IPO13: variants seen among roughly 807,000 people sequenced by gnomAD.
The protein encoded by IPO13 is importin-13.
A neutral mutation model predicts 115.5 loss-of-function variants in IPO13; 28 were observed. The ratio of observed to expected loss-of-function variants is 0.24; its 90% CI spans 0.18 to 0.33. The LOEUF is 0.33. IPO13 is among the 10% of genes least tolerant of loss of function. IPO13 has a pLI of 1.00. For missense variants in IPO13, 785 were observed against 1,204.6 expected, an observed-to-expected ratio of 0.65 and a Z score of 5.16; for synonymous variants, 414 against 478.9, an observed-to-expected ratio of 0.86 and a Z score of 1.77.
chr1:43,957,680 C>CT, intron 7 of IPO13, 131 bp downstream of exon 7: 1 of 1,165,024 alleles, frequency 8.6e-7, no homozygotes, highest in Non-Finnish European at 1.2e-6. Context: ...TTGTAACAAA[C>CT]TGACTGTCCT....
Position 43,950,208 on chromosome 1 carries a change from A to G in IPO13, c.821+55A>G, listed in dbSNP as rs549627088. The G allele has an allele frequency of 2.3e-4, 356 of 1,541,324 alleles. 2 individuals are homozygous for G. The South Asian group carries it at 4.1e-3, about 18-fold the overall frequency. ...AACCTCTTTGGCCAGCCACACATCC[A>G]TCCATCCATCTGTTCAATAAACATT... On this transcript the variant is annotated intron_variant, in intron 2 of 19. Coordinates refer to ENST00000372343, the MANE Select transcript of IPO13 (RefSeq NM_014652.4).
At chr1:43,949,034 C>G (rs979643675) in intron 1 of IPO13, among the ~76,000 whole-genome samples, 1 of 152,196 alleles carries the variant, frequency 6.6e-6, no homozygotes, top group African/African-American at 2.4e-5. Flanking sequence ...AGGGTCAAGT[C>G]CCCTCAAGCT....
chr1:43,961,081 G>A, intron 13 of IPO13, 68 bp downstream of exon 13: 1 of 1,610,072 alleles, frequency 6.2e-7, no homozygotes, highest in Non-Finnish European at 8.5e-7. Context: ...TGCCGTGGCT[G>A]GGGTCCCCAC....
Position 43,966,572 on chromosome 1 carries a change from C to T in IPO13, c.2398-3C>T, listed in dbSNP as rs958418552. 2 of 1,613,906 alleles carry T rather than the reference C, an allele frequency of 1.2e-6. No homozygotes were observed. The highest frequency in any genetic ancestry group is 1.3e-5 in the African/African-American group (1 of 74,864). ...CTGGGCTTACCAGCTCCACCTCCTG[C>T]AGGCTCTGAAGCGGAAGCCAGATTT... On this transcript the variant is annotated splice_polypyrimidine_tract_variant and splice_region_variant and intron_variant, in intron 15 of 19. Transcript: ENST00000372343. The surrounding 1 kb of genome is among the most constrained non-coding windows in gnomAD (Gnocchi z 4.1).
intron 14 of IPO13, among the ~76,000 whole-genome samples, chr1:43,961,898 C>T (rs1165523088): frequency 6.6e-6 from 1 of 152,228 alleles, no homozygotes; most frequent in Non-Finnish European, 1.5e-5. Context: ...TCCTAGCCCT[C>T]TACTCACTGT....
At chr1:43,962,188 C>T (rs2085294767) in intron 14 of IPO13, among the ~76,000 whole-genome samples, 3 of 152,030 alleles carry the variant, frequency 2.0e-5, no homozygotes, top group Admixed American at 1.3e-4. Flanking sequence ...GAAAACTGAA[C>T]CAGAAACCTG....
Position 43,966,886 on chromosome 1 carries a change from A to C in IPO13, c.2524-44A>C, listed in dbSNP as rs1283947845. 2.5e-6 allele frequency: 4 copies of C among 1,609,298 alleles called. No homozygotes were observed. Among genetic ancestry groups the C allele is most frequent in the African/African-American group, 2.7e-5 (2 of 74,736 alleles). The stretch of plus-strand genomic sequence containing the variant: ...GTGTACAGGTCTTGTCCTCAGGGAG[A>C]GCTGGGAAGGAGCTGGGCTGATGGG... On this transcript the variant is annotated intron_variant, in intron 17 of 19. Transcript: ENST00000372343. The surrounding 1 kb of genome is among the most constrained non-coding windows in gnomAD (Gnocchi z 4.1).
rs761795350 is a variant in IPO13, at chr1:43,958,502, G to A, written c.1791G>A (p.Leu597=). 1 of 1,614,134 alleles carries A rather than the reference G, an allele frequency of 6.2e-7. No individual in the cohort carries two copies. The highest frequency in any genetic ancestry group is 2.2e-5 in the East Asian group (1 of 44,888). ...CMWLMQALGF[L]LSALQVEEIL... ...GGCTGATGCAGGCGCTGGGCTTCCT[G>A]CTGTCAGCTCTTCAAGTGGAGGAGA... is the stretch of plus-strand genomic sequence containing the variant. The change falls in exon 10 of 20, where the codon CTG becomes CTA. Residue 597 remains leucine, a synonymous_variant. Transcript: ENST00000372343. The surrounding 1 kb of genome is among the most constrained non-coding windows in gnomAD (Gnocchi z 6.3).
chr1:43,957,729 G>A (rs1331315137), intron 7 of IPO13, among the ~76,000 whole-genome samples, 180 bp downstream of exon 7: 1 of 152,230 alleles, frequency 6.6e-6, no homozygotes. Context: ...ACACTGAGCT[G>A]CAATTCAGTG....
chr1:43,960,175 C>G, intron 11 of IPO13, 74 bp from the exon 12 acceptor site: 1 of 1,438,250 alleles, frequency 7.0e-7, no homozygotes, highest in Non-Finnish European at 9.8e-7. Flanking sequence ...CCCCTCCTCC[C>G]TGCCACCAAG....
Position 43,960,207 on chromosome 1 carries a change from T to C in IPO13, c.2029-42T>C, listed in dbSNP as rs767929637. The C allele has an allele frequency of 3.1e-6, 5 of 1,597,820 alleles. No individual in the cohort carries two copies. In the Admixed American group the frequency reaches 8.3e-5, roughly 27 times the overall value. ...CAAGTCCTCCTCAAGTGGGTCACAG[T>C]GATGGATAGCAGAAGCGCCTCACTT... On this transcript the variant is annotated intron_variant, in intron 11 of 19. Transcript: ENST00000372343.
chr1:43,947,268 C>T lies in IPO13; in HGVS notation c.-333C>T. ...CAAGAGCCAGGGACTCGGTTTCCCC[C>T]GCAGGCCTCCCTCCCCTGTGACTCC... On this transcript the variant is annotated 5_prime_UTR_variant, in exon 1 of 20. Coordinates refer to ENST00000372343, the MANE Select transcript of IPO13 (RefSeq NM_014652.4). The T allele has an allele frequency of 2.5e-6, 1 of 399,066 alleles. No homozygotes were observed. The highest frequency in any genetic ancestry group is 4.4e-6 in the Non-Finnish European group (1 of 226,294). The allele number at this position is 399,066 out of a possible 1,614,324, so 24.7% of individuals were successfully genotyped here.
chr1:43,947,401 A>C lies in IPO13; in HGVS notation c.-200A>C. On this transcript the variant is annotated 5_prime_UTR_variant, in exon 1 of 20. Transcript: ENST00000372343. ...GGAGTCCCCTTCATTGGGTCTCCTAAGAGCACCAATTTTGGTCTCTGGCAA... is the reference window on the plus strand; with the variant it reads ...GGAGTCCCCTTCATTGGGTCTCCTACGAGCACCAATTTTGGTCTCTGGCAA... The C allele has an allele frequency of 2.5e-6, 1 of 400,140 alleles. No individual in the cohort carries two copies. The allele number at this position is 400,140 out of a possible 1,614,324, so 24.8% of individuals were successfully genotyped here.
At position 43,967,686 on chromosome 1, in the gene IPO13, G is replaced by A. The variant is rs1301556814; in HGVS notation, c.*4G>A. ...AGATTACACAGCTGACTACTGAGGG[G>A]TGCCCCCATCCCATCCACCCCTTCT... On this transcript the variant is annotated 3_prime_UTR_variant, in exon 20 of 20. Coordinates refer to ENST00000372343, the MANE Select transcript of IPO13 (RefSeq NM_014652.4). This position sits in a 1 kb window ranked among gnomAD's most constrained non-coding sequence, Gnocchi z 6.1. 1 of 1,613,622 alleles carries A rather than the reference G, an allele frequency of 6.2e-7. No individual in the cohort carries two copies. The highest frequency in any genetic ancestry group is 8.5e-7 in the Non-Finnish European group (1 of 1,179,514).
rs780154693 is a variant in IPO13, at chr1:43,967,336, C to T, written c.2635C>T (p.Arg879Cys). ...TCAGGCCATTGGGGGCCAGGCCTCC[C>T]GCAGCCTCATGGACTGCTTTGCCGA... is the stretch of plus-strand genomic sequence containing the variant. Reference protein sequence around the residue: ...VLEAIGGQASRSLMDCFADIL... With the variant: ...VLEAIGGQASCSLMDCFADIL... The change falls in exon 19 of 20, where the codon CGC becomes TGC. Residue 879 changes from arginine to cysteine, a missense_variant. Arg to Cys is a radical substitution (Grantham distance 180). This residue lies in a region of IPO13 where 285 missense variants were observed against 394.8 expected (regional missense o/e 0.72). Transcript: ENST00000372343. The surrounding 1 kb of genome is among the most constrained non-coding windows in gnomAD (Gnocchi z 6.1). 14 of 1,613,590 alleles carry T rather than the reference C, an allele frequency of 8.7e-6. No homozygotes were observed. Among genetic ancestry groups the T allele is most frequent in the East Asian group, 4.5e-5 (2 of 44,850 alleles).
In IPO13 at chr1:43,950,065, G is replaced by A; in HGVS notation, c.733G>A (p.Ala245Thr). The change falls in exon 2 of 20, where the codon GCT (alanine) becomes ACT (threonine). Residue 245 changes from alanine (A) to threonine (T), a missense_variant. This residue lies in a region of IPO13 where 325 missense variants were observed against 449.8 expected (regional missense o/e 0.72). Coordinates refer to ENST00000372343, the MANE Select transcript of IPO13 (RefSeq NM_014652.4). Reference sequence around the variant, plus strand: ...GCAGGACTGTGAGGCGCTCATTCAGGCTGCCTTTGCTGCTCTGCAGGACTC... The same window carrying A: ...GCAGGACTGTGAGGCGCTCATTCAGACTGCCTTTGCTGCTCTGCAGGACTC... ...PLQDCEALIQ[A>T]AFAALQDSEL... 1 of 1,613,854 alleles carries A rather than the reference G, an allele frequency of 6.2e-7. No homozygotes were observed.
At chr1:43,954,081 A>G (rs902915873) in intron 2 of IPO13, among the ~76,000 whole-genome samples, 1 of 152,236 alleles carries the variant, frequency 6.6e-6, no homozygotes, top group South Asian at 2.1e-4. Context: ...GAACTTTGGC[A>G]GGTGGAGGAA....
At chr1:43,960,108 G>A in intron 11 of IPO13, 141 bp from the exon 12 acceptor site, 1 of 716,412 alleles carries the variant, frequency 1.4e-6, no homozygotes, top group East Asian at 2.5e-5. Flanking sequence ...TCTTCCCCCA[G>A]GGGTCCCATG....
Position 43,958,297 on chromosome 1 carries a change from C to T in IPO13, c.1749+29C>T. 6.2e-7 allele frequency: 1 copy of T among 1,613,816 alleles called. No individual in the cohort carries two copies. The highest frequency in any genetic ancestry group is 1.1e-5 in the South Asian group (1 of 91,078). On this transcript the variant is annotated intron_variant, in intron 9 of 19. Transcript: ENST00000372343. This position sits in a 1 kb window ranked among gnomAD's most constrained non-coding sequence, Gnocchi z 6.3. ...CGGCTCAAAAGTTTCTAGGGGTCTC[C>T]TTGGAGGTCTTGTGGGAATCACTTA...
Sources: allele counts gnomAD v4.1 joint callset (sites outside exome capture counted in the v4.1 genomes callset), GRCh38; gene constraint gnomAD v4.1.1; regional missense constraint gnomAD v4.1.1; non-coding constraint Gnocchi (gnomAD v3.1); transcripts MANE v1.5; gene names NCBI Gene and HGNC (gene_info 2026-07-23, HGNC 2026-07-21).